MAP2K2: variants seen among roughly 807,000 people sequenced by gnomAD.
The protein encoded by MAP2K2 is dual specificity mitogen-activated protein kinase kinase 2.
MAP2K2 carries 24 observed loss-of-function variants against 43.7 expected under a neutral mutation model. The observed-to-expected ratio is 0.55, with a 90% confidence interval of 0.40 to 0.77. The LOEUF is 0.77. MAP2K2 is among the 30% of genes least tolerant of loss of function. The pLI, the probability that MAP2K2 is intolerant of heterozygous loss-of-function variation, is 0.00. For synonymous variants in MAP2K2, 244 were observed against 239.7 expected (o/e 1.02, Z -0.17); for missense variants, 470 against 566.8 (o/e 0.83, Z 1.73).
chr19:4,106,992 C>T (rs903525228), intron 3 of MAP2K2, among the ~76,000 whole-genome samples: 2 of 152,236 alleles, frequency 1.3e-5, no homozygotes, highest in Non-Finnish European at 2.9e-5. Context: ...TGAGGCCCCA[C>T]TGTCCACTGG....
chr19:4,094,761 G>A, intron 9 of MAP2K2: 1 of 544,844 alleles, frequency 1.8e-6, no homozygotes, highest in Non-Finnish European at 3.3e-6. Context: ...CCGCCTGGTG[G>A]GTCAGAAGCC....
chr19:4,123,728 C>G, intron 1 of MAP2K2, 56 bp downstream of exon 1: 1 of 1,404,604 alleles, frequency 7.1e-7, no homozygotes, highest in Non-Finnish European at 9.6e-7. Context: ...CCGTCCTTCC[C>G]CGAGGGCTCC....
chr19:4,112,940 C>G (rs755546873), intron 2 of MAP2K2, among the ~76,000 whole-genome samples: 6 of 152,192 alleles, frequency 3.9e-5, no homozygotes, highest in Non-Finnish European at 7.3e-5. Context: ...CATTTGTTTT[C>G]ACACCGAGCC....
rs2145079874 is a variant in MAP2K2 at position 4,117,456 on chromosome 19, A to G, written c.266T>C (p.Val89Ala). The G allele has an allele frequency of 1.2e-6, 2 of 1,613,678 alleles. No individual in the cohort carries two copies. Among genetic ancestry groups the G allele is most frequent in the Non-Finnish European group, 1.7e-6 (2 of 1,179,968 alleles). ...GAGNGGVVTK[V>A]QHRPSGLIMA... ...GATGAGGCCCGAGGGTCTGTGCTGG[A>G]CTTTGGTGACCACCCCGCCGTTGCC... is the stretch of plus-strand genomic sequence containing the variant. The change falls in exon 2 of 11, where the codon GTC becomes GCC. Residue 89 changes from valine to alanine, a missense_variant. Physicochemically the swap from Val to Ala is moderately conservative, Grantham distance 64. Around this residue, in one of 3 missense-constraint regions of MAP2K2, gnomAD observed 200 missense variants for 297.9 expected, o/e 0.67. Transcript: ENST00000262948.
In MAP2K2 at chr19:4,123,890, C is replaced by CCGGCGG. The variant is rs397517411; in HGVS notation, c.-21_-16dup. ...CGGGCCAGCATCGGGGCTCCGCGGG[C>CCGGCGG]CGGCGGCGGCGGCGCCTCTAGCCGG... On this transcript the variant is annotated 5_prime_UTR_variant, in exon 1 of 11. Transcript: ENST00000262948. The CCGGCGG allele has an allele frequency of 1.1e-5, 15 of 1,404,962 alleles. No individual in the cohort carries two copies. In the Admixed American group the frequency reaches 3.8e-4, roughly 36 times the overall value. The allele number at this position is 1,404,962 out of a possible 1,614,324, so 87.0% of individuals were successfully genotyped here.
In MAP2K2 at chr19:4,101,883, C is replaced by T. The variant is rs2041017092; in HGVS notation, c.528+493G>A. Among the ~76,000 whole-genome samples, 2 of 152,180 alleles carry T rather than the reference C, an allele frequency of 1.3e-5. No individual in the cohort carries two copies. Among genetic ancestry groups the T allele is most frequent in the Admixed American group, 1.3e-4 (2 of 15,278 alleles). ...GCCCCTGCTATGGACAAGGTGCAAG[C>T]TCCAAGAAGCAACACGCACGGTCTG... is the stretch of plus-strand genomic sequence containing the variant. On this transcript the variant is annotated intron_variant, in intron 4 of 10. Coordinates refer to ENST00000262948, the MANE Select transcript of MAP2K2 (RefSeq NM_030662.4). This position sits in a 1 kb window ranked among gnomAD's most constrained non-coding sequence, Gnocchi z 6.3.
chr19:4,094,314 G>GCCTGGCACACCCGGCCTGC (rs1439749869), intron 10 of MAP2K2, 139 bp downstream of exon 10: 6 of 889,966 alleles, frequency 6.7e-6, no homozygotes, highest in African/African-American at 5.0e-5. Context: ...CCTCGGCGTG[G>GCCTGGCACACCCGGCCTGC]CCTGGCACAC....
At chr19:4,113,952 G>A (rs116536474) in intron 2 of MAP2K2, among the ~76,000 whole-genome samples, 1 of 152,182 alleles carries the variant, frequency 6.6e-6, no homozygotes, top group Non-Finnish European at 1.5e-5. Flanking sequence ...CAAGAGTCAC[G>A]TGCAGCCCAC....
rs12981086 is a variant in MAP2K2, at chr19:4,110,320, G to C, written c.450+189C>G. On this transcript the variant is annotated intron_variant, in intron 3 of 10. Coordinates refer to ENST00000262948, the MANE Select transcript of MAP2K2 (RefSeq NM_030662.4). ...AGACTGCCTCTCAAAAAAACAAAAA[G>C]AAAACAAAACAAAACCAAAGGCATC... 0.18 allele frequency among the ~76,000 whole-genome samples: 26,929 copies of C among 151,934 alleles called. 2,751 individuals carry two copies. The highest frequency in any genetic ancestry group is 0.3 in the East Asian group (1,528 of 5,172).
intron 2 of MAP2K2, among the ~76,000 whole-genome samples, chr19:4,116,638 A>G (rs1433155724): frequency 6.6e-6 from 1 of 152,198 alleles, no homozygotes; most frequent in Admixed American, 6.6e-5. Flanking sequence ...CCAGGCTCCC[A>G]TGCTCTGTAC....
intron 2 of MAP2K2, among the ~76,000 whole-genome samples, chr19:4,110,892 G>A (rs2041146273): frequency 6.6e-6 from 1 of 152,148 alleles, no homozygotes; most frequent in Admixed American, 6.6e-5. Flanking sequence ...GAACCCAGGC[G>A]TCCACCCAGG....
chr19:4,098,722 C>T (rs1010520294), intron 7 of MAP2K2, among the ~76,000 whole-genome samples: 1 of 152,204 alleles, frequency 6.6e-6, no homozygotes, highest in African/African-American at 2.4e-5. Context: ...GGCTGTGTCC[C>T]CTCCTGTGTG....
chr19:4,120,822 C>G (rs953698262), intron 1 of MAP2K2, among the ~76,000 whole-genome samples: 1 of 152,174 alleles, frequency 6.6e-6, no homozygotes, highest in Non-Finnish European at 1.5e-5. Context: ...GGAATCAAAC[C>G]CCACACGGAA....
At chr19:4,097,542 C>G (rs1216967713) in intron 7 of MAP2K2, among the ~76,000 whole-genome samples, 199 bp from the exon 8 acceptor site, 2 of 152,278 alleles carry the variant, frequency 1.3e-5, no homozygotes. Context: ...CTACTCCTTG[C>G]CTGAGCCTCT....
intron 3 of MAP2K2, among the ~76,000 whole-genome samples, chr19:4,105,515 G>T (rs571575180): frequency 1.4e-4 from 21 of 151,960 alleles, no homozygotes; most frequent in Non-Finnish European, 2.6e-4. Context: ...CTCGTGATCC[G>T]CCCGCCTCGG....
At chr19:4,123,340 A>G (rs897147245) in intron 1 of MAP2K2, among the ~76,000 whole-genome samples, 71 of 138,822 alleles carry the variant, frequency 5.1e-4, no homozygotes, top group Non-Finnish European at 8.4e-4. Flanking sequence ...ACCTCCCCTC[A>G]CTCAACCTCG....
rs111549861 is a variant in MAP2K2 at position 4,095,457 on chromosome 19, G to A, written c.985-8C>T. On this transcript the variant is annotated splice_polypyrimidine_tract_variant and splice_region_variant and intron_variant, in intron 8 of 10. Coordinates refer to ENST00000262948, the MANE Select transcript of MAP2K2 (RefSeq NM_030662.4). ...GGGCAGCTTAGGAGGTGGCTGTGGA[G>A]GAGAACAGAGGGTGGGGTCAGCCCT... is the stretch of plus-strand genomic sequence containing the variant. 2 of 1,551,000 alleles carry A rather than the reference G, an allele frequency of 1.3e-6. No homozygotes were observed. Among genetic ancestry groups the A allele is most frequent in the African/African-American group, 2.7e-5 (2 of 73,038 alleles).
At chr19:4,121,499 C>T (rs2041291902) in intron 1 of MAP2K2, among the ~76,000 whole-genome samples, 1 of 150,924 alleles carries the variant, frequency 6.6e-6, no homozygotes, top group South Asian at 2.1e-4. Context: ...CCCTGGGACC[C>T]CATCCTGACC....
chr19:4,102,432 C>G lies in MAP2K2; in HGVS notation c.472G>C (p.Val158Leu), dbSNP rs2145057741. 6.2e-7 allele frequency: 1 copy of G among 1,605,830 alleles called. No individual in the cohort carries two copies. Among genetic ancestry groups the G allele is most frequent in the Non-Finnish European group, 8.5e-7 (1 of 1,177,060 alleles). ...EHMDGGSLDQ[V>L]LKEAKRIPEE... is the part of the protein sequence containing the mutation. ...GGAATCCTCTTGGCCTCTTTCAGCA[C>G]CTGGTCCAGGGAGCCGCCGTCCTAG... Residue 158 changes from valine to leucine, a missense_variant, in exon 4 of 11, where the codon GTG becomes CTG. By Grantham distance (32) the Val-to-Leu change is conservative (BLOSUM62 1). Coordinates refer to ENST00000262948, the MANE Select transcript of MAP2K2 (RefSeq NM_030662.4).
Sources: gnomAD v4.1 joint callset for allele counts (sites outside exome capture counted in the v4.1 genomes callset) on GRCh38, gnomAD v4.1.1 for gene constraint, gnomAD v4.1.1 regional missense constraint, Gnocchi (gnomAD v3.1) non-coding constraint, MANE v1.5 for transcripts, NCBI Gene and HGNC (gene_info 2026-07-23, HGNC 2026-07-21) for gene names.